Variants in TTC4 observed in about 807,000 individuals in gnomAD.
TTC4 encodes the protein tetratricopeptide repeat domain 4.
Under a neutral mutation model 51.9 loss-of-function variants are expected in TTC4, and 36 were observed. That is an observed-to-expected ratio of 0.69 (90% CI 0.53 to 0.92). The LOEUF is 0.92. Among genes scored for constraint, TTC4 ranks in the 40% least tolerant of loss-of-function variants. The pLI is 0.00. For synonymous variants in TTC4, 144 were observed against 164.2 expected (o/e 0.88, Z 0.94); for missense variants, 399 against 454.6 (o/e 0.88, Z 1.11).
chr1:54,721,741 A>G (rs939070725), intron 4 of TTC4, among the ~76,000 whole-genome samples: 2 of 152,240 alleles, frequency 1.3e-5, no homozygotes, highest in Admixed American at 1.3e-4. Flanking sequence ...TTCATCACAT[A>G]TTAATCTTCC....
rs1304723237 is a variant in TTC4, at chr1:54,741,663, T to G, written c.*150T>G. 1.5e-6 allele frequency: 1 copy of G among 664,370 alleles called. No individual in the cohort carries two copies. The highest frequency in any genetic ancestry group is 2.6e-6 in the Non-Finnish European group (1 of 385,964). 41.2% of individuals were successfully genotyped at this position (664,370 alleles called of 1,614,324 possible). On this transcript the variant is annotated 3_prime_UTR_variant, in exon 10 of 10. Coordinates refer to ENST00000371281, the MANE Select transcript of TTC4 (RefSeq NM_004623.5). ...CTGGCATCGTGGTGGGGGAGGAGCC[T>G]CTGGCTTCCCTAAACTGCAGCCTCT...
Position 54,715,880 on chromosome 1 carries a change from G to C in TTC4, c.-29G>C. The C allele has an allele frequency of 6.4e-7, 1 of 1,563,622 alleles. No homozygotes were observed. Among genetic ancestry groups the C allele is most frequent in the South Asian group, 1.2e-5 (1 of 86,242 alleles). ...GGAGCCGCTCGCTTCACGGCGCTGG[G>C]ACCCGGGCTGGAAGGCAGGGCATCA... On this transcript the variant is annotated 5_prime_UTR_variant, in exon 1 of 10. Transcript: ENST00000371281.
At chr1:54,717,782 T>C (rs1645693867) in intron 3 of TTC4, 129 bp downstream of exon 3, 2 of 809,516 alleles carry the variant, frequency 2.5e-6, no homozygotes, top group Non-Finnish European at 3.5e-6. Context: ...TAGTTTACTC[T>C]GATTGAACTC....
intron 9 of TTC4, among the ~76,000 whole-genome samples, chr1:54,740,191 TAC>T (rs1300630273): frequency 2.0e-5 from 3 of 152,288 alleles, no homozygotes; most frequent in Non-Finnish European, 2.9e-5. Flanking sequence ...CCAAAAAAAT[TAC>T]AGAGTAATGT....
intron 3 of TTC4, among the ~76,000 whole-genome samples, chr1:54,718,267 G>A (rs777241802): frequency 3.3e-5 from 5 of 152,086 alleles, no homozygotes; most frequent in Non-Finnish European, 7.4e-5. Flanking sequence ...TAGCTACTTG[G>A]GAGGCTGAGG....
intron 8 of TTC4, among the ~76,000 whole-genome samples, chr1:54,736,164 AAAGAAAGAAAG>A (rs149733796): frequency 0.045 from 5,906 of 130,146 alleles, 676 homozygotes; most frequent in African/African-American, 0.12. Flanking sequence ...AAAGAGAGAG[AAAGAAAGAAAG>A]GAGAGAGAGA....
rs1646019750 is a variant in TTC4 at position 54,742,215 on chromosome 1, TG to T, written c.*704del. 2.0e-5 allele frequency: 3 copies of T among 152,282 alleles called. No homozygotes were observed. 9.4% of individuals were successfully genotyped at this position (152,282 alleles called of 1,614,324 possible). A position where few individuals can be genotyped will look rare whatever the true frequency, so the allele number is the denominator to read the frequency against. On this transcript the variant is annotated 3_prime_UTR_variant, in exon 10 of 10. Coordinates refer to ENST00000371281, the MANE Select transcript of TTC4 (RefSeq NM_004623.5). The stretch of plus-strand genomic sequence containing the variant: ...ATTTAGGATTTTGTGTCTTTTAAAC[TG>T]GAAAATCTTCTAGCATGTTGGGTTG...
At chr1:54,740,329 TCTTAA>T (rs1225685257) in intron 9 of TTC4, among the ~76,000 whole-genome samples, 1 of 152,168 alleles carries the variant, frequency 6.6e-6, no homozygotes, top group Admixed American at 6.5e-5. Flanking sequence ...GTCCAGCTAG[TCTTAA>T]TGCTTTGGCT....
chr1:54,727,984 T>TTA (rs1645821617), intron 5 of TTC4, among the ~76,000 whole-genome samples: 1 of 152,150 alleles, frequency 6.6e-6, no homozygotes, highest in African/African-American at 2.4e-5. Flanking sequence ...TTAAAAAAAA[T>TTA]CTATAGAGAC....
Position 54,731,511 on chromosome 1 carries a change from C to T in TTC4, c.707C>T (p.Ala236Val). 2 of 1,613,872 alleles carry T rather than the reference C, an allele frequency of 1.2e-6. No individual in the cohort carries two copies. The highest frequency in any genetic ancestry group is 1.1e-5 in the South Asian group (1 of 91,076). Residue 236 changes from alanine (A) to valine (V), a missense_variant, in exon 7 of 10, where the codon GCT becomes GTT. Ala to Val is a moderately conservative substitution (Grantham distance 64, BLOSUM62 0). This residue lies in a region of TTC4 where 316 missense variants were observed against 349.6 expected (regional missense o/e 0.90). Coordinates refer to ENST00000371281, the MANE Select transcript of TTC4 (RefSeq NM_004623.5). ...IKARNIRLSE[A>V]ACEDEDSASE... is the part of the protein sequence containing the mutation. ...GCTAGGAATATCAGGCTCTCAGAAG[C>T]TGCCTGTGAGGATGAAGATTCAGCC...
chr1:54,718,468 C>A lies in TTC4; in HGVS notation c.391+815C>A, dbSNP rs114695537. On this transcript the variant is annotated intron_variant, in intron 3 of 9. Coordinates refer to ENST00000371281, the MANE Select transcript of TTC4 (RefSeq NM_004623.5). ...TTTGCCATGTTGCCCGGGCTGGTCT[C>A]GAAATTGGGCTCAAGTGATCCATCC... Among the ~76,000 whole-genome samples, 3 of 151,684 alleles carry A rather than the reference C, an allele frequency of 2.0e-5. No individual in the cohort carries two copies. In the South Asian group the frequency reaches 6.2e-4, roughly 32 times the overall value.
chr1:54,735,489 A>T (rs560121410), intron 8 of TTC4, among the ~76,000 whole-genome samples: 1 of 152,224 alleles, frequency 6.6e-6, no homozygotes, highest in South Asian at 2.1e-4. Flanking sequence ...CCAGAGTGCT[A>T]GGATTACAGG....
intron 6 of TTC4, among the ~76,000 whole-genome samples, chr1:54,730,618 A>G (rs1171215917): frequency 1.3e-5 from 2 of 152,118 alleles, no homozygotes; most frequent in Non-Finnish European, 2.9e-5. Flanking sequence ...TTTTGATTGC[A>G]TGTCATTTCC....
intron 3 of TTC4, among the ~76,000 whole-genome samples, chr1:54,720,255 C>G (rs1645727355): frequency 6.6e-6 from 1 of 152,086 alleles, no homozygotes; most frequent in African/African-American, 2.4e-5. Context: ...TGCAGTAGAC[C>G]ACATGTGGCC....
intron 5 of TTC4, among the ~76,000 whole-genome samples, chr1:54,724,468 G>T (rs1427252215): frequency 1.3e-5 from 2 of 151,728 alleles, no homozygotes. Flanking sequence ...TAGAGTTGGG[G>T]TTTCACTATG....
At chr1:54,733,488 T>G in intron 7 of TTC4, 141 bp from the exon 8 acceptor site, 1 of 462,286 alleles carries the variant, frequency 2.2e-6, no homozygotes, top group Non-Finnish European at 3.8e-6. Context: ...TATACACATT[T>G]GGGGTACTGC....
Position 54,715,885 on chromosome 1 carries a change from G to A in TTC4, c.-24G>A. 6.4e-7 allele frequency: 1 copy of A among 1,574,504 alleles called. No individual in the cohort carries two copies. Among genetic ancestry groups the A allele is most frequent in the Non-Finnish European group, 8.7e-7 (1 of 1,155,848 alleles). ...CGCTCGCTTCACGGCGCTGGGACCC[G>A]GGCTGGAAGGCAGGGCATCAGCTAT... is the stretch of plus-strand genomic sequence containing the variant. On this transcript the variant is annotated 5_prime_UTR_variant, in exon 1 of 10. Transcript: ENST00000371281.
chr1:54,725,097 C>T (rs1645784174), intron 5 of TTC4, among the ~76,000 whole-genome samples: 1 of 152,180 alleles, frequency 6.6e-6, no homozygotes, highest in Admixed American at 6.5e-5. Flanking sequence ...AGGGTTGGAG[C>T]TCTTTCAAAG....
rs1052638716 is a variant in TTC4 at position 54,741,669 on chromosome 1, T to A, written c.*156T>A. ...TCGTGGTGGGGGAGGAGCCTCTGGC[T>A]TCCCTAAACTGCAGCCTCTCTGGCT... is the stretch of plus-strand genomic sequence containing the variant. On this transcript the variant is annotated 3_prime_UTR_variant, in exon 10 of 10. Coordinates refer to ENST00000371281, the MANE Select transcript of TTC4 (RefSeq NM_004623.5). 13 of 641,988 alleles carry A rather than the reference T, an allele frequency of 2.0e-5. No homozygotes were observed. The highest frequency in any genetic ancestry group is 3.5e-5 in the Non-Finnish European group (13 of 368,574). 39.8% of individuals were successfully genotyped at this position (641,988 alleles called of 1,614,324 possible). A position where few individuals can be genotyped will look rare whatever the true frequency, so the allele number is the denominator to read the frequency against.
Sources: allele counts gnomAD v4.1 joint callset (sites outside exome capture counted in the v4.1 genomes callset), GRCh38; gene constraint gnomAD v4.1.1; regional missense constraint gnomAD v4.1.1; transcripts MANE v1.5; gene names NCBI Gene and HGNC (gene_info 2026-07-23, HGNC 2026-07-21).